The following FTO variants were observed in gnomAD, a reference collection of about 807,000 sequenced individuals.
The protein encoded by FTO is alpha-ketoglutarate-dependent dioxygenase FTO.
In FTO, 47 loss-of-function variants were observed where a neutral mutation model predicts 63.9. The ratio of observed to expected loss-of-function variants is 0.74; its 90% CI spans 0.58 to 0.94. The LOEUF (loss-of-function observed/expected upper bound fraction) is 0.94, where lower values mean the gene tolerates loss of function less well. Ranked by LOEUF, FTO falls within the 40% of genes least tolerant of loss-of-function variation. The pLI is 0.00. For missense variants in FTO, 562 were observed against 618.1 expected, an observed-to-expected ratio of 0.91 and a Z score of 0.96; for synonymous variants, 207 against 224.4, an observed-to-expected ratio of 0.92 and a Z score of 0.69.
chr16:53,841,357 TAA>T (rs78861059), intron 3 of FTO, among the ~76,000 whole-genome samples: 62 of 151,848 alleles, frequency 4.1e-4, no homozygotes, highest in African/African-American at 1.5e-3. Context: ...GTTATTCTGT[TAA>T]AAAAACCTAA....
intron 4 of FTO, among the ~76,000 whole-genome samples, chr16:53,870,988 G>A (rs2080476734): frequency 6.6e-6 from 1 of 152,114 alleles, no homozygotes; most frequent in Admixed American, 6.5e-5. Flanking sequence ...GTCACCAGTT[G>A]TCTTCTGAGT....
intron 8 of FTO, among the ~76,000 whole-genome samples, chr16:54,064,111 A>G (rs2085661651): frequency 6.6e-6 from 1 of 152,252 alleles, no homozygotes; most frequent in South Asian, 2.1e-4. Context: ...AGCTTAACGT[A>G]GGGTACTGGT....
At chr16:53,800,805 G>C (rs187897686) in intron 1 of FTO, among the ~76,000 whole-genome samples, 3 of 151,640 alleles carry the variant, frequency 2.0e-5, no homozygotes, top group African/African-American at 4.8e-5. Context: ...CTTTTAATTA[G>C]TATTACTGGG....
intron 4 of FTO, among the ~76,000 whole-genome samples, chr16:53,854,620 C>G (rs990109659): frequency 2.6e-5 from 4 of 152,054 alleles, no homozygotes; most frequent in African/African-American, 9.7e-5. Flanking sequence ...ATGGCTTCTC[C>G]ATTTTGTTCC....
intron 2 of FTO, among the ~76,000 whole-genome samples, chr16:53,821,466 TC>T (rs1258512887): frequency 3.9e-5 from 6 of 152,222 alleles, no homozygotes; most frequent in Non-Finnish European, 8.8e-5. Flanking sequence ...TGCATTGCTT[TC>T]TTCATAAGCT....
At chr16:53,785,914 GA>G (rs764170371) in intron 1 of FTO, among the ~76,000 whole-genome samples, 206 of 102,304 alleles carry the variant, frequency 2.0e-3, no homozygotes, top group Admixed American at 4.0e-3. Context: ...ATCTCAAAAA[GA>G]AAAAAAAAAA....
At chr16:53,832,934 T>C (rs769661159) in intron 3 of FTO, among the ~76,000 whole-genome samples, 43 of 152,210 alleles carry the variant, frequency 2.8e-4, no homozygotes, top group African/African-American at 5.5e-4. Context: ...AGTGGAATCA[T>C]ACAATATTTG....
At chr16:53,849,084 G>A (rs568471849) in intron 4 of FTO, among the ~76,000 whole-genome samples, 1 of 151,946 alleles carries the variant, frequency 6.6e-6, no homozygotes, top group East Asian at 1.9e-4. Context: ...TTCTTTTTTG[G>A]TTTTTCTTTA....
chr16:53,950,263 T>C (rs2082760300), intron 8 of FTO, among the ~76,000 whole-genome samples: 1 of 150,450 alleles, frequency 6.6e-6, no homozygotes, highest in Admixed American at 6.8e-5. Context: ...TAGGAAGTCG[T>C]CTTAATAAAT....
At chr16:53,739,897 A>G (rs2076490783) in intron 1 of FTO, among the ~76,000 whole-genome samples, 1 of 152,222 alleles carries the variant, frequency 6.6e-6, no homozygotes. Flanking sequence ...AAACACTTAA[A>G]AAATAGAAGC....
chr16:53,735,674 A>T lies in FTO; in HGVS notation c.45+31445A>T, dbSNP rs1347244637. On this transcript the variant is annotated intron_variant, in intron 1 of 8. Coordinates refer to ENST00000471389, the MANE Select transcript of FTO (RefSeq NM_001080432.3). ...TTCCAGCAGCAGCTCAGGAAGCAGC[A>T]TAGCAGAGTGTAAATGGCATTGTCT... Among the ~76,000 whole-genome samples the T allele has an allele frequency of 2.6e-5, 4 of 152,368 alleles. No homozygotes were observed. In the South Asian group the frequency reaches 8.3e-4, roughly 32 times the overall value.
intron 1 of FTO, among the ~76,000 whole-genome samples, chr16:53,764,475 C>CAAAAAAAAAAAAAA (rs56906281): frequency 1.4e-4 from 17 of 118,692 alleles, no homozygotes; most frequent in South Asian, 2.7e-4. Flanking sequence ...ACTAAAAATA[C>CAAAAAAAAAAAAAA]AAAAAAAAAA....
intron 1 of FTO, among the ~76,000 whole-genome samples, chr16:53,808,075 C>T (rs902230396): frequency 2.0e-5 from 3 of 151,818 alleles, no homozygotes; most frequent in African/African-American, 7.3e-5. Flanking sequence ...GAGGCCAAGG[C>T]GGGCAGATCA....
chr16:53,846,801 C>CAAAAAAAA (rs55982417), intron 4 of FTO, among the ~76,000 whole-genome samples: 3 of 106,872 alleles, frequency 2.8e-5, no homozygotes, highest in African/African-American at 1.0e-4. Context: ...GACTCAGTCT[C>CAAAAAAAA]AAAAAAAAAA....
chr16:53,896,689 C>T (rs759389007), intron 7 of FTO, among the ~76,000 whole-genome samples: 1 of 152,038 alleles, frequency 6.6e-6, no homozygotes, highest in Non-Finnish European at 1.5e-5. Flanking sequence ...TAAAAGGAAG[C>T]GTGGAGAGTC....
intron 1 of FTO, among the ~76,000 whole-genome samples, chr16:53,806,865 AAAGG>A (rs1363215262): frequency 5.9e-5 from 9 of 152,206 alleles, no homozygotes; most frequent in African/African-American, 2.2e-4. Context: ...TTGAATTTTG[AAAGG>A]AGTTGACTGG....
Position 53,883,536 on chromosome 16 carries a change from C to T in FTO, c.1119+3549C>T, listed in dbSNP as rs368188542. On this transcript the variant is annotated intron_variant, in intron 6 of 8. Transcript: ENST00000471389. Reference sequence around the variant, plus strand: ...ACTTGGGAGGCTGAGGCAGGAGAATCGCTTGAACCCGGGAGGCAGAAGTTG... The same window carrying T: ...ACTTGGGAGGCTGAGGCAGGAGAATTGCTTGAACCCGGGAGGCAGAAGTTG... Among the ~76,000 whole-genome samples, 21 of 146,484 alleles carry T rather than the reference C, an allele frequency of 1.4e-4. No homozygotes were observed. In the East Asian group the frequency reaches 3.5e-3, roughly 25 times the overall value.
intron 6 of FTO, among the ~76,000 whole-genome samples, chr16:53,882,915 C>T (rs1165418823): frequency 1.3e-5 from 2 of 152,094 alleles, no homozygotes; most frequent in African/African-American, 4.8e-5. Context: ...GAGTAGTAAC[C>T]ACTTTTGATG....
rs536519636 is a variant in FTO, at chr16:53,761,450, G to C, written c.46-48690G>C. ...CGTTCCAGTGAGGTTTTGGGAAGGAGCCAAGTGCATGTTTTGAATCCACCA... is the reference window on the plus strand; with the variant it reads ...CGTTCCAGTGAGGTTTTGGGAAGGACCCAAGTGCATGTTTTGAATCCACCA... On this transcript the variant is annotated intron_variant, in intron 1 of 8. Transcript: ENST00000471389. Among the ~76,000 whole-genome samples the C allele has an allele frequency of 2.0e-5, 3 of 152,190 alleles. No homozygotes were observed. The South Asian group carries it at 6.2e-4, about 32-fold the overall frequency.
Sources: gnomAD v4.1 joint callset for allele counts (sites outside exome capture counted in the v4.1 genomes callset) on GRCh38, gnomAD v4.1.1 for gene constraint, MANE v1.5 for transcripts, NCBI Gene and HGNC (gene_info 2026-07-23, HGNC 2026-07-21) for gene names.